The following RAC1 variants were observed in gnomAD, a reference collection of about 807,000 sequenced individuals.
The protein encoded by RAC1 is ras-related C3 botulinum toxin substrate 1.
RAC1 carries 2 observed loss-of-function variants against 25.2 expected under a neutral mutation model. That is an observed-to-expected ratio of 0.08 (90% CI 0.03 to 0.25). RAC1 has a LOEUF of 0.25. RAC1 is among the 10% of genes least tolerant of loss of function. RAC1 has a pLI of 1.00. For synonymous variants in RAC1, 88 were observed against 94.0 expected (o/e 0.94, Z 0.37); for missense variants, 50 against 235.7 (o/e 0.21, Z 5.16).
intron 2 of RAC1, among the ~76,000 whole-genome samples, chr7:6,390,704 A>AT (rs373930379): frequency 1.3e-5 from 2 of 151,852 alleles, no homozygotes; most frequent in African/African-American, 4.8e-5. Context: ...ATGCTCTAGT[A>AT]TTTTTTTCTA....
intron 3 of RAC1, among the ~76,000 whole-genome samples, chr7:6,396,046 G>T (rs1476880382): frequency 6.6e-6 from 1 of 152,176 alleles, no homozygotes; most frequent in Non-Finnish European, 1.5e-5. Context: ...AGTGGTGTGT[G>T]ATGCAGGAGT....
At chr7:6,383,791 T>A (rs1782841430) in intron 1 of RAC1, among the ~76,000 whole-genome samples, 1 of 73,634 alleles carries the variant, frequency 1.4e-5, no homozygotes, top group South Asian at 4.3e-4. Context: ...TATCTTTTTT[T>A]TTTTTTTTTT....
rs1583254260 is a variant in RAC1 at position 6,375,239 on chromosome 7, C to T, written c.35+469C>T. Among the ~76,000 whole-genome samples, 4 of 151,984 alleles carry T rather than the reference C, an allele frequency of 2.6e-5. No individual in the cohort carries two copies. The East Asian group carries it at 7.7e-4, about 29-fold the overall frequency. The stretch of plus-strand genomic sequence containing the variant: ...CTTGATTGTACGGGCCGCTTTGGTG[C>T]CCCCAAACTTTTCTTTAAAAAAATT... On this transcript the variant is annotated intron_variant, in intron 1 of 5. Transcript: ENST00000348035.
intron 5 of RAC1, 81 bp downstream of exon 5, chr7:6,402,108 G>C (rs1783419678): frequency 6.6e-7 from 1 of 1,517,386 alleles, no homozygotes; most frequent in Admixed American, 1.8e-5. Context: ...TGGGAAAGGA[G>C]GGTGTGTGTC....
intron 3 of RAC1, among the ~76,000 whole-genome samples, chr7:6,395,514 G>C (rs1054851757): frequency 6.6e-6 from 1 of 152,204 alleles, no homozygotes; most frequent in African/African-American, 2.4e-5. Context: ...CTTACTGGCC[G>C]GGAGCAGGGG....
At chr7:6,400,046 C>T in intron 3 of RAC1, 80 bp from the exon 4 acceptor site, 2 of 1,287,012 alleles carry the variant, frequency 1.6e-6, no homozygotes, top group Non-Finnish European at 2.3e-6. Context: ...CAAGTCCTTC[C>T]CAGCAACATG....
chr7:6,374,779 G>A lies in RAC1; in HGVS notation c.35+9G>A, dbSNP rs1479845585. ...GTGGTGGTGGGAGACGGGTGAGTGCGCGGCCGGGGCCGGGCTGGAGGCCGC... is the reference window on the plus strand; with the variant it reads ...GTGGTGGTGGGAGACGGGTGAGTGCACGGCCGGGGCCGGGCTGGAGGCCGC... On this transcript the variant is annotated intron_variant, in intron 1 of 5. Transcript: ENST00000348035. The A allele has an allele frequency of 8.8e-7, 1 of 1,135,236 alleles. No individual in the cohort carries two copies. 70.3% of individuals were successfully genotyped at this position (1,135,236 alleles called of 1,614,324 possible).
intron 2 of RAC1, among the ~76,000 whole-genome samples, chr7:6,388,346 C>CTTTT (rs71008389): frequency 0.11 from 13,256 of 121,506 alleles, 950 homozygotes; most frequent in East Asian, 0.19. Flanking sequence ...TGTTGTTTTC[C>CTTTT]TTTTTTTTTT....
chr7:6,396,797 G>A (rs34218191), intron 3 of RAC1, among the ~76,000 whole-genome samples: 15,130 of 152,132 alleles, frequency 0.099, 1,338 homozygotes, highest in East Asian at 0.5. Flanking sequence ...TTGGGAGGCC[G>A]AGGTGGGCGG....
intron 4 of RAC1, 36 bp downstream of exon 4, chr7:6,400,224 G>C (rs1745482705): frequency 6.6e-7 from 1 of 1,516,546 alleles, no homozygotes; most frequent in Non-Finnish European, 9.1e-7. Flanking sequence ...GTAAGTTATA[G>C]AATGATCCTC....
chr7:6,394,378 C>G lies in RAC1; in HGVS notation c.225+2337C>G, dbSNP rs79202068. 3.3e-4 allele frequency among the ~76,000 whole-genome samples: 50 copies of G among 152,314 alleles called. 1 individual carries two copies. The South Asian group carries it at 9.5e-3, about 29-fold the overall frequency. On this transcript the variant is annotated intron_variant, in intron 3 of 5. Transcript: ENST00000348035. ...TTCTCTTGAAAATCTTTGCTAAGTT[C>G]TGCATACTCATCTTCAGTTGCTATG...
intron 1 of RAC1, among the ~76,000 whole-genome samples, chr7:6,386,788 C>CAA (rs71008388): frequency 3.4e-5 from 3 of 88,164 alleles, no homozygotes; most frequent in Non-Finnish European, 4.7e-5. Context: ...GACTCGGTCT[C>CAA]AAAAAAAAAA....
At chr7:6,392,263 C>G (rs77920678) in intron 3 of RAC1, among the ~76,000 whole-genome samples, 3 of 152,278 alleles carry the variant, frequency 2.0e-5, no homozygotes, top group Admixed American at 6.5e-5. Flanking sequence ...GGGCATTTTA[C>G]AGTCTTCCAT....
intron 1 of RAC1, among the ~76,000 whole-genome samples, chr7:6,379,216 G>A (rs111292876): frequency 0.15 from 22,312 of 149,156 alleles, 1,880 homozygotes; most frequent in Admixed American, 0.23. Flanking sequence ...ATTCTCCTGC[G>A]TCAGCCTCCC....
rs1783356253 is a variant in RAC1, at chr7:6,400,180, C to T, written c.280C>T (p.Arg94Cys). ...LVSPASFENV[R>C]AKWYPEVRHH... is the part of the protein sequence containing the mutation. Reference sequence around the variant, plus strand: ...GAGTCCTGCATCATTTGAAAATGTCCGTGCAAAGGTAGGTGGGGATTTAAA... The same window carrying T: ...GAGTCCTGCATCATTTGAAAATGTCTGTGCAAAGGTAGGTGGGGATTTAAA... The change falls in exon 4 of 6, where the codon CGT (arginine) becomes TGT (cysteine). Residue 94 changes from arginine to cysteine, a missense_variant. Coordinates refer to ENST00000348035, the MANE Select transcript of RAC1 (RefSeq NM_006908.5). 5.0e-6 allele frequency: 8 copies of T among 1,608,526 alleles called. No individual in the cohort carries two copies. The highest frequency in any genetic ancestry group is 6.8e-6 in the Non-Finnish European group (8 of 1,176,470).
chr7:6,396,875 A>C (rs1247738900), intron 3 of RAC1, among the ~76,000 whole-genome samples: 1 of 151,990 alleles, frequency 6.6e-6, no homozygotes, highest in Non-Finnish European at 1.5e-5. Flanking sequence ...CTAAAAATAC[A>C]AAAAATTAGC....
At chr7:6,382,513 T>C (rs997149746) in intron 1 of RAC1, among the ~76,000 whole-genome samples, 2 of 152,156 alleles carry the variant, frequency 1.3e-5, no homozygotes, top group African/African-American at 4.8e-5. Flanking sequence ...AAGTTTTGGT[T>C]TATAGATTTC....
At position 6,384,189 on chromosome 7, in the gene RAC1, C is replaced by T. The variant is rs35464998; in HGVS notation, c.36-3023C>T. 3.9e-3 allele frequency among the ~76,000 whole-genome samples: 589 copies of T among 152,242 alleles called. 18 individuals carry two copies. In the East Asian group the frequency reaches 0.055, roughly 14 times the overall value. On this transcript the variant is annotated intron_variant, in intron 1 of 5. Transcript: ENST00000348035. ...AAACCATGGGTAAGCGATGCTTGAT[C>T]TGCCTCCAAGTTCAAGCAGTCCAGG... is the stretch of plus-strand genomic sequence containing the variant.
chr7:6,396,598 A>G (rs1783241579), intron 3 of RAC1, among the ~76,000 whole-genome samples: 1 of 152,158 alleles, frequency 6.6e-6, no homozygotes, highest in Non-Finnish European at 1.5e-5. Flanking sequence ...CATTTTTGTA[A>G]CTGGTTCTCG....
Sources: allele counts gnomAD v4.1 joint callset (sites outside exome capture counted in the v4.1 genomes callset), GRCh38; gene constraint gnomAD v4.1.1; transcripts MANE v1.5; gene names NCBI Gene and HGNC (gene_info 2026-07-23, HGNC 2026-07-21).